DRD3: variants seen among roughly 807,000 people sequenced by gnomAD.
The protein encoded by DRD3 is D(3) dopamine receptor.
A neutral mutation model predicts 36.3 loss-of-function variants in DRD3; 19 were observed. The ratio of observed to expected loss-of-function variants is 0.52; its 90% CI spans 0.36 to 0.77. The LOEUF (loss-of-function observed/expected upper bound fraction) is 0.77, where lower values mean the gene tolerates loss of function less well. DRD3 is among the 30% of genes least tolerant of loss of function. The pLI, the probability that DRD3 is intolerant of heterozygous loss-of-function variation, is 0.00. For missense variants in DRD3, 465 were observed against 505.3 expected (o/e 0.92, Z 0.77); for synonymous variants, 195 against 203.7 (o/e 0.96, Z 0.36).
At chr3:114,159,659 C>T (rs1046229245) in intron 3 of DRD3, 96 bp downstream of exon 3, 2 of 897,988 alleles carry the variant, frequency 2.2e-6, no homozygotes, top group African/African-American at 3.3e-5. Flanking sequence ...GTGTCAAGTT[C>T]TACTTGGAGG....
intron 1 of DRD3, among the ~76,000 whole-genome samples, chr3:114,189,117 C>T (rs537178228): frequency 6.6e-6 from 1 of 152,062 alleles, no homozygotes; most frequent in Non-Finnish European, 1.5e-5. Flanking sequence ...AATATTTGTA[C>T]ACATTTTATA....
intron 3 of DRD3, among the ~76,000 whole-genome samples, chr3:114,153,683 G>T (rs1415648020): frequency 6.6e-6 from 1 of 152,196 alleles, no homozygotes; most frequent in Non-Finnish European, 1.5e-5. Flanking sequence ...TAGCTAGGGA[G>T]CCCAGAGCCA....
chr3:114,156,821 TTC>T (rs1356142823), intron 3 of DRD3, among the ~76,000 whole-genome samples: 1 of 29,198 alleles, frequency 3.4e-5, no homozygotes, highest in Non-Finnish European at 1.1e-4. Flanking sequence ...TCTTTCTTTT[TTC>T]TTTCTTTCTT....
Position 114,131,471 on chromosome 3 carries a change from G to A in DRD3, c.724-71C>T, listed in dbSNP as rs145473585. ...TTTATCTTCTGAATGTTCCTGAAAG[G>A]GCCAGAGAATTCAAAGAAGGAAGAC... On this transcript the variant is annotated intron_variant, in intron 5 of 6. Coordinates refer to ENST00000383673, the MANE Select transcript of DRD3 (RefSeq NM_000796.6). 1.6e-4 allele frequency: 239 copies of A among 1,527,790 alleles called. 1 individual carries two copies. In the African/African-American group the frequency reaches 3.0e-3, roughly 19 times the overall value. The allele number at this position is 1,527,790 out of a possible 1,614,324, so 94.6% of individuals were successfully genotyped here. A position where few individuals can be genotyped will look rare whatever the true frequency, so the allele number is the denominator to read the frequency against.
intron 1 of DRD3, among the ~76,000 whole-genome samples, chr3:114,195,729 T>C (rs1420246242): frequency 1.3e-5 from 2 of 152,310 alleles, no homozygotes; most frequent in Non-Finnish European, 2.9e-5. Flanking sequence ...ACCAAAGGGT[T>C]AAATATAAAG....
intron 5 of DRD3, among the ~76,000 whole-genome samples, chr3:114,136,879 G>A (rs753851300): frequency 8.5e-5 from 13 of 152,172 alleles, no homozygotes; most frequent in Non-Finnish European, 5.9e-5. Context: ...CACATTCAGT[G>A]GTAAATATGG....
chr3:114,174,190 G>T (rs1197030609), intron 1 of DRD3, among the ~76,000 whole-genome samples: 1 of 152,194 alleles, frequency 6.6e-6, no homozygotes, highest in African/African-American at 2.4e-5. Context: ...CACCGCTGCT[G>T]CCAAGAGCTT....
At chr3:114,150,495 C>T (rs1329030349) in intron 3 of DRD3, among the ~76,000 whole-genome samples, 1 of 152,178 alleles carries the variant, frequency 6.6e-6, no homozygotes, top group African/African-American at 2.4e-5. Flanking sequence ...CTTCTTACAA[C>T]CTTGATATTT....
upstream of DRD3, among the ~76,000 whole-genome samples, chr3:114,184,025 T>C (rs987370493): frequency 2.6e-5 from 4 of 152,190 alleles, no homozygotes; most frequent in African/African-American, 9.6e-5. Context: ...ATATGCCTTA[T>C]AGCTTTCCCA....
At chr3:114,198,028 A>G (rs1225571581) in intron 1 of DRD3, among the ~76,000 whole-genome samples, 2 of 152,198 alleles carry the variant, frequency 1.3e-5, no homozygotes, top group Non-Finnish European at 1.5e-5. Flanking sequence ...ATCAAGTTAT[A>G]TAGATCTTCT....
chr3:114,132,912 G>A (rs1489402221), intron 5 of DRD3, among the ~76,000 whole-genome samples: 3 of 151,882 alleles, frequency 2.0e-5, no homozygotes, highest in Non-Finnish European at 2.9e-5. Context: ...ACATCAATTG[G>A]ACATTTAATG....
chr3:114,172,722 A>G (rs1262544460), intron 1 of DRD3, among the ~76,000 whole-genome samples: 3 of 152,180 alleles, frequency 2.0e-5, no homozygotes, highest in Non-Finnish European at 4.4e-5. Flanking sequence ...GATTCTTCCC[A>G]TGTAAAATGT....
intron 4 of DRD3, among the ~76,000 whole-genome samples, chr3:114,142,498 G>T (rs976502122): frequency 9.2e-5 from 14 of 152,070 alleles, no homozygotes; most frequent in African/African-American, 3.1e-4. Flanking sequence ...ATAGGGGTAT[G>T]GTATGCTTCT....
At chr3:114,163,687 A>G (rs1313860076) in intron 2 of DRD3, among the ~76,000 whole-genome samples, 1 of 152,164 alleles carries the variant, frequency 6.6e-6, no homozygotes, top group African/African-American at 2.4e-5. Flanking sequence ...AGTGCCCAAG[A>G]TATGTCTGAT....
intron 1 of DRD3, among the ~76,000 whole-genome samples, chr3:114,175,451 G>A (rs755580469): frequency 1.3e-5 from 2 of 152,014 alleles, no homozygotes; most frequent in South Asian, 4.1e-4. Flanking sequence ...CATTCAGGAC[G>A]ATATTCATGA....
intron 3 of DRD3, among the ~76,000 whole-genome samples, chr3:114,153,927 A>G (rs921651945): frequency 1.3e-5 from 2 of 152,214 alleles, no homozygotes; most frequent in Non-Finnish European, 2.9e-5. Context: ...TACATGCTAA[A>G]TAAATGTTAA....
intron 1 of DRD3, among the ~76,000 whole-genome samples, chr3:114,197,994 A>G: frequency 6.6e-6 from 1 of 152,134 alleles, no homozygotes; most frequent in East Asian, 1.9e-4. Context: ...AGAGATTTTG[A>G]TTGGGATTGC....
intron 2 of DRD3, among the ~76,000 whole-genome samples, chr3:114,166,727 A>G (rs1047626413): frequency 3.3e-5 from 5 of 152,248 alleles, no homozygotes; most frequent in Non-Finnish European, 7.3e-5. Context: ...GTTTAGGTGC[A>G]TAAGAAGTAT....
At chr3:114,191,106 C>T (rs949091266) in intron 1 of DRD3, among the ~76,000 whole-genome samples, 4 of 152,202 alleles carry the variant, frequency 2.6e-5, no homozygotes, top group Admixed American at 6.5e-5. Context: ...AGAATTAATT[C>T]TATGACAGGC....
Sources: gnomAD v4.1 joint callset for allele counts (sites outside exome capture counted in the v4.1 genomes callset) on GRCh38, gnomAD v4.1.1 for gene constraint, MANE v1.5 for transcripts, NCBI Gene and HGNC (gene_info 2026-07-23, HGNC 2026-07-21) for gene names.